The following PIWIL1 variants were observed in gnomAD, a reference collection of about 807,000 sequenced individuals.
PIWIL1 encodes the protein piwi-like protein 1.
A neutral mutation model predicts 114.4 loss-of-function variants in PIWIL1; 73 were observed. The observed-to-expected ratio is 0.64, with a 90% confidence interval of 0.53 to 0.78. The LOEUF is 0.78. Among genes scored for constraint, PIWIL1 ranks in the 30% least tolerant of loss-of-function variants. The pLI is 0.00. For missense variants in PIWIL1, 723 were observed against 1,063.1 expected (o/e 0.68, Z 4.45); for synonymous variants, 375 against 369.0 (o/e 1.02, Z -0.19).
chr12:130,399,622 T>C, the PIWIL1 span: 1 of 1,592,178 alleles, frequency 6.3e-7, no homozygotes, highest in Non-Finnish European at 8.6e-7. Context: ...AAGATTGTAT[T>C]AGACCACATA....
the PIWIL1 span, among the ~76,000 whole-genome samples, chr12:130,411,773 C>T: frequency 1.8e-4 from 27 of 152,202 alleles, no homozygotes; most frequent in Middle Eastern, 6.8e-3. Flanking sequence ...CACTAAACTT[C>T]GACTATTAGA....
chr12:130,343,519 G>A (rs1371822297), intron 3 of PIWIL1, among the ~76,000 whole-genome samples: 1 of 151,722 alleles, frequency 6.6e-6, no homozygotes, highest in African/African-American at 2.4e-5. Context: ...AATACCTAAT[G>A]TATTGTAGAA....
chr12:130,354,625 G>A lies in PIWIL1; in HGVS notation c.1133G>A (p.Gly378Glu), dbSNP rs771202187. 9 of 1,607,768 alleles carry A rather than the reference G, an allele frequency of 5.6e-6. No individual in the cohort carries two copies. In the East Asian group the frequency reaches 1.6e-4, roughly 28 times the overall value. ...CGGGGCCCTGGGGGGACACTGCCAG[G>A]GCCTGCCATGCTCATTCCTGAGCTC... ...RRRGPGGTLPGPAMLIPELCY... is the reference protein window; with the variant it reads ...RRRGPGGTLPEPAMLIPELCY... Residue 378 changes from glycine to glutamate, a missense_variant, in exon 10 of 21, where the codon GGG (glycine) becomes GAG (glutamate). By Grantham distance (98) the Gly-to-Glu change is moderately conservative. Transcript: ENST00000245255.
At position 130,337,977 on chromosome 12, in the gene PIWIL1, C is replaced by G. The variant is rs111848437; in HGVS notation, c.-182C>G. ...AAAAGAGCGCCTGTTGCTCGCTGCCCGCGTGTCCCTGGCTCTCTCGGGAAC... is the reference window on the plus strand; with the variant it reads ...AAAAGAGCGCCTGTTGCTCGCTGCCGGCGTGTCCCTGGCTCTCTCGGGAAC... On this transcript the variant is annotated 5_prime_UTR_variant, in exon 1 of 21. Coordinates refer to ENST00000245255, the MANE Select transcript of PIWIL1 (RefSeq NM_004764.5). 6.1e-6 allele frequency: 1 copy of G among 163,440 alleles called. No individual in the cohort carries two copies. The highest frequency in any genetic ancestry group is 1.3e-5 in the Non-Finnish European group (1 of 75,860). 10.1% of individuals were successfully genotyped at this position (163,440 alleles called of 1,614,324 possible). A position where few individuals can be genotyped will look rare whatever the true frequency, so the allele number is the denominator to read the frequency against.
chr12:130,343,621 CTT>C (rs533583982), intron 3 of PIWIL1, among the ~76,000 whole-genome samples: 1,219 of 116,406 alleles, frequency 0.01, 8 homozygotes, highest in East Asian at 0.046. Context: ...TTGAAGGATT[CTT>C]TTTTTTTTTT....
the PIWIL1 span, among the ~76,000 whole-genome samples, chr12:130,391,809 G>C: frequency 6.6e-6 from 1 of 152,094 alleles, no homozygotes; most frequent in Non-Finnish European, 1.5e-5. Context: ...GGGGGCATGC[G>C]TAAGGGGTCC....
At chr12:130,395,101 G>A in the PIWIL1 span, among the ~76,000 whole-genome samples, 2 of 152,134 alleles carry the variant, frequency 1.3e-5, no homozygotes, top group Admixed American at 6.6e-5. Context: ...TAGAAGCAGC[G>A]GGAGGAAGGG....
chr12:130,343,611 T>C (rs1427226398), intron 3 of PIWIL1, among the ~76,000 whole-genome samples: 2 of 147,360 alleles, frequency 1.4e-5, no homozygotes, highest in Non-Finnish European at 3.0e-5. Flanking sequence ...TGTGGATGCA[T>C]TGAAGGATTC....
At position 130,356,046 on chromosome 12, in the gene PIWIL1, A is replaced by AT. The variant is rs201952571; in HGVS notation, c.1404+392dup. Reference sequence around the variant, plus strand: ...TAAGACTTAGCTAAAAAGTGGTTCGATTTTTTTTTTTTTCAATAACTTGAG... The same window carrying AT: ...TAAGACTTAGCTAAAAAGTGGTTCGATTTTTTTTTTTTTTCAATAACTTGAG... On this transcript the variant is annotated intron_variant, in intron 12 of 20. Transcript: ENST00000245255. 3.0e-3 allele frequency among the ~76,000 whole-genome samples: 435 copies of AT among 144,318 alleles called. 1 individual carries two copies. The highest frequency in any genetic ancestry group is 6.2e-3 in the African/African-American group (248 of 39,740). 94.7% of individuals were successfully genotyped at this position (144,318 alleles called of 152,430 possible). A position where few individuals can be genotyped will look rare whatever the true frequency, so the allele number is the denominator to read the frequency against.
At chr12:130,367,957 C>T (rs924244479) in intron 19 of PIWIL1, among the ~76,000 whole-genome samples, 3 of 152,144 alleles carry the variant, frequency 2.0e-5, no homozygotes, top group Non-Finnish European at 4.4e-5. Context: ...ACCACCATGC[C>T]GAGCTAATTT....
chr12:130,403,832 C>G, the PIWIL1 span, among the ~76,000 whole-genome samples: 1 of 151,986 alleles, frequency 6.6e-6, no homozygotes, highest in Non-Finnish European at 1.5e-5. Flanking sequence ...ACTTCCAGTG[C>G]CTTAAAAATA....
At chr12:130,371,110 C>T in intron 19 of PIWIL1, 66 bp from the exon 20 acceptor site, 2 of 1,364,534 alleles carry the variant, frequency 1.5e-6, no homozygotes, top group East Asian at 2.3e-5. Context: ...GAGCTTTTCA[C>T]TGTAAGAAAC....
chr12:130,399,010 T>TATC, the PIWIL1 span: 1 of 136,200 alleles, frequency 7.3e-6, no homozygotes, highest in African/African-American at 3.6e-5. Context: ...TCTTTGTATC[T>TATC]TTTTTTTTTT....
the PIWIL1 span, among the ~76,000 whole-genome samples, chr12:130,392,392 C>A: frequency 6.8e-6 from 1 of 148,060 alleles, no homozygotes; most frequent in South Asian, 2.2e-4. Flanking sequence ...CCGTCAGTTA[C>A]CTGGTGAATA....
the PIWIL1 span, among the ~76,000 whole-genome samples, chr12:130,401,835 C>G: frequency 2.0e-5 from 3 of 152,084 alleles, no homozygotes; most frequent in Admixed American, 2.0e-4. Context: ...TCTGGCTGAG[C>G]ACCAGATGGA....
the PIWIL1 span, chr12:130,422,606 G>T: frequency 7.3e-7 from 1 of 1,370,566 alleles, no homozygotes; most frequent in Non-Finnish European, 1.0e-6. The surrounding 1 kb of genome is among the most constrained non-coding windows in gnomAD (Gnocchi z 5.2). Context: ...GCCAGCATTG[G>T]GAACTGAAGA....
At chr12:130,386,572 C>T in the PIWIL1 span, among the ~76,000 whole-genome samples, 9 of 39,096 alleles carry the variant, frequency 2.3e-4, no homozygotes, top group African/African-American at 4.0e-4. Flanking sequence ...CCATGCACAC[C>T]ACCCCTTCCT....
chr12:130,422,095 G>C, the PIWIL1 span, among the ~76,000 whole-genome samples: 3 of 152,264 alleles, frequency 2.0e-5, no homozygotes, highest in African/African-American at 7.2e-5. The surrounding 1 kb of genome is among the most constrained non-coding windows in gnomAD (Gnocchi z 5.2). Context: ...CCTGAGGCAC[G>C]CTGACATCCA....
the PIWIL1 span, chr12:130,399,714 A>G: frequency 6.2e-7 from 1 of 1,614,190 alleles, no homozygotes; most frequent in South Asian, 1.1e-5. Context: ...GTATCTTGAG[A>G]GTAGTGGGAT....
Sources: gnomAD v4.1 joint callset for allele counts (sites outside exome capture counted in the v4.1 genomes callset) on GRCh38, gnomAD v4.1.1 for gene constraint, Gnocchi (gnomAD v3.1) non-coding constraint, MANE v1.5 for transcripts, NCBI Gene and HGNC (gene_info 2026-07-23, HGNC 2026-07-21) for gene names.